The following SYTL5 variants were observed in gnomAD, a reference collection of about 807,000 sequenced individuals.
SYTL5 encodes synaptotagmin like 5.
A neutral mutation model predicts 55.9 loss-of-function variants in SYTL5; 34 were observed. The ratio of observed to expected loss-of-function variants is 0.61; its 90% CI spans 0.46 to 0.81. SYTL5 has a LOEUF of 0.81. Ranked by LOEUF, SYTL5 falls within the 30% of genes least tolerant of loss-of-function variation. The pLI, the probability that SYTL5 is intolerant of heterozygous loss-of-function variation, is 0.00. For synonymous variants in SYTL5, 221 were observed against 188.7 expected, an observed-to-expected ratio of 1.17 and a Z score of -1.40; for missense variants, 637 against 546.7, an observed-to-expected ratio of 1.17 and a Z score of -1.65.
chrX:37,981,775 C>T, the SYTL5 span, among the ~76,000 whole-genome samples: 1 of 110,890 alleles, frequency 9.0e-6, no homozygotes, highest in Non-Finnish European at 1.9e-5. Flanking sequence ...AGAGCTCTGC[C>T]CAAACCAATG....
intron 14 of SYTL5, 26 bp from the exon 15 acceptor site, chrX:38,122,054 T>C (rs1937576832): frequency 8.7e-6 from 10 of 1,151,145 alleles, no homozygotes; most frequent in Non-Finnish European, 1.2e-5. Context: ...TTCTCCACCA[T>C]TCCCTCATTT....
At chrX:37,920,306 C>T in the SYTL5 span, among the ~76,000 whole-genome samples, 1 of 110,550 alleles carries the variant, frequency 9.0e-6, no homozygotes, top group Non-Finnish European at 1.9e-5. Context: ...AACTTCTGCT[C>T]ACCAAGGTGC....
At chrX:37,991,120 A>G in the SYTL5 span, 3 of 1,209,691 alleles carry the variant, frequency 2.5e-6, no homozygotes, top group African/African-American at 5.3e-5. Context: ...AACAACCGTG[A>G]GCCCCACAGC....
chrX:38,094,517 C>G, intron 8 of SYTL5, 93 bp downstream of exon 8: 1 of 980,532 alleles, frequency 1.0e-6, no homozygotes, highest in Non-Finnish European at 1.4e-6. Context: ...ATGTTTCATC[C>G]TTTAAAAAAT....
intron 9 of SYTL5, among the ~76,000 whole-genome samples, chrX:38,101,927 G>C (rs1482103505): frequency 9.1e-6 from 1 of 109,735 alleles, no homozygotes; most frequent in African/African-American, 3.3e-5. Context: ...GTTCATCCTA[G>C]TGGAGAGATT....
the SYTL5 span, among the ~76,000 whole-genome samples, chrX:37,921,773 T>C: frequency 8.9e-6 from 1 of 111,921 alleles, no homozygotes; most frequent in Non-Finnish European, 1.9e-5. Flanking sequence ...AGTGTAAAGC[T>C]CTTTGCCTCC....
chrX:37,988,104 T>G, the SYTL5 span, among the ~76,000 whole-genome samples: 3 of 112,052 alleles, frequency 2.7e-5, no homozygotes, highest in Non-Finnish European at 3.8e-5. Flanking sequence ...CTGTATTATC[T>G]GATAGAACCT....
intron 2 of SYTL5, among the ~76,000 whole-genome samples, chrX:38,050,574 C>T (rs1197255624): frequency 1.8e-5 from 2 of 109,923 alleles, no homozygotes; most frequent in African/African-American, 3.3e-5. Flanking sequence ...ATTTGGTGGT[C>T]AGAGAAAACC....
chrX:38,041,081 C>G (rs5964287), intron 2 of SYTL5, among the ~76,000 whole-genome samples: 32,742 of 110,794 alleles, frequency 0.3, 6,838 homozygotes, highest in African/African-American at 0.74. Context: ...CCTAGTAACT[C>G]CCATTCACCT....
the SYTL5 span, among the ~76,000 whole-genome samples, chrX:37,975,477 G>A: frequency 8.9e-6 from 1 of 111,883 alleles, no homozygotes; most frequent in Admixed American, 9.5e-5. Context: ...GAGTGATGAG[G>A]TTAAAAAATA....
the SYTL5 span, among the ~76,000 whole-genome samples, chrX:37,891,739 C>T: frequency 1.8e-5 from 2 of 111,247 alleles, no homozygotes; most frequent in South Asian, 3.7e-4. Context: ...TGTTTTCAGG[C>T]AAATATCATA....
intron 5 of SYTL5, among the ~76,000 whole-genome samples, chrX:38,074,709 A>G (rs1421283455): frequency 8.9e-6 from 1 of 112,053 alleles, no homozygotes; most frequent in Non-Finnish European, 1.9e-5. Flanking sequence ...AATGTCATCT[A>G]ACTCAAGCAC....
chrX:37,981,066 G>A, the SYTL5 span, among the ~76,000 whole-genome samples: 3 of 112,290 alleles, frequency 2.7e-5, no homozygotes, highest in Admixed American at 1.9e-4. Context: ...GGAGAAGCAG[G>A]CCATAAAAGA....
Position 38,067,195 on chromosome X carries a change from G to A in SYTL5, c.330-4852G>A, listed in dbSNP as rs1390876073. 1.2e-4 allele frequency among the ~76,000 whole-genome samples: 13 copies of A among 111,586 alleles called. No homozygotes were observed. The Admixed American group carries it at 1.2e-3, about 11-fold the overall frequency. ...TATTATTCTCCAAGGGTAGCAAGAG[G>A]TAATGACTAACAATTCTGGGAAGAT... On this transcript the variant is annotated intron_variant, in intron 3 of 16. Transcript: ENST00000297875.
At chrX:38,072,015 A>G (rs771223245) in intron 3 of SYTL5, 32 bp from the exon 4 acceptor site, 1 of 1,048,385 alleles carries the variant, frequency 9.5e-7, no homozygotes, top group South Asian at 1.9e-5. Flanking sequence ...AAATAATTGA[A>G]TTTCAATGCT....
intron 3 of SYTL5, among the ~76,000 whole-genome samples, chrX:38,071,383 G>A (rs758591009): frequency 9.0e-6 from 1 of 111,433 alleles, no homozygotes; most frequent in East Asian, 2.8e-4. Flanking sequence ...ATCCAGGCAA[G>A]CACTTCCACC....
At chrX:38,065,377 AT>A (rs200462442) in intron 3 of SYTL5, among the ~76,000 whole-genome samples, 1,576 of 111,764 alleles carry the variant, frequency 0.014, 11 homozygotes, top group Middle Eastern at 0.019. Context: ...GTGAGAATCT[AT>A]TTGGTGATAA....
the SYTL5 span, among the ~76,000 whole-genome samples, chrX:37,908,605 A>C: frequency 9.0e-6 from 1 of 111,657 alleles, no homozygotes; most frequent in African/African-American, 3.3e-5. Context: ...TAAAATACTA[A>C]ATATTAATCA....
the SYTL5 span, among the ~76,000 whole-genome samples, chrX:37,956,409 A>G: frequency 4.4e-5 from 5 of 112,693 alleles, no homozygotes; most frequent in Middle Eastern, 4.6e-3. Flanking sequence ...ATCATCTTGC[A>G]TAAGTGAAAC....
Sources: allele counts gnomAD v4.1 joint callset (sites outside exome capture counted in the v4.1 genomes callset), GRCh38; gene constraint gnomAD v4.1.1; transcripts MANE v1.5; gene names NCBI Gene and HGNC (gene_info 2026-07-23, HGNC 2026-07-21).